Variants in PCDHGB4 observed in about 807,000 individuals in gnomAD.
PCDHGB4 encodes the protein protocadherin gamma-B4.
Under a neutral mutation model 60.5 loss-of-function variants are expected in PCDHGB4, and 38 were observed. That is an observed-to-expected ratio of 0.63 (90% CI 0.48 to 0.82). The LOEUF (loss-of-function observed/expected upper bound fraction) is 0.82, where lower values mean the gene tolerates loss of function less well. Ranked by LOEUF, PCDHGB4 falls within the 40% of genes least tolerant of loss-of-function variation. The probability of loss-of-function intolerance (pLI) is 0.00; values close to 1 mark genes in which losing one functional copy is unlikely to be tolerated. For missense variants in PCDHGB4, 1,109 were observed against 1,209.6 expected, an observed-to-expected ratio of 0.92 and a Z score of 1.23; for synonymous variants, 456 against 509.7, an observed-to-expected ratio of 0.89 and a Z score of 1.42.
In PCDHGB4 at chr5:141,418,400, G is replaced by C; in HGVS notation, c.2397+28119G>C. ...AAGTCCTAACGAGTATTTCTCATTGGTGGAGAAAGACAATCCTGATGGTGG... is the reference window on the plus strand; with the variant it reads ...AAGTCCTAACGAGTATTTCTCATTGCTGGAGAAAGACAATCCTGATGGTGG... On this transcript the variant is annotated intron_variant, in intron 1 of 3. Coordinates refer to ENST00000519479, the MANE Select transcript of PCDHGB4 (RefSeq NM_003736.4). The C allele has an allele frequency of 6.2e-7, 1 of 1,613,900 alleles. No homozygotes were observed. The highest frequency in any genetic ancestry group is 8.5e-7 in the Non-Finnish European group (1 of 1,179,794).
At chr5:141,413,355 C>G in intron 1 of PCDHGB4, 1 of 1,613,952 alleles carries the variant, frequency 6.2e-7, no homozygotes, top group Non-Finnish European at 8.5e-7. Context: ...GTCTGGCGCC[C>G]CGGGAGCTGG....
chr5:141,397,909 T>G lies in PCDHGB4; in HGVS notation c.2397+7628T>G, dbSNP rs1004406261. On this transcript the variant is annotated intron_variant, in intron 1 of 3. Coordinates refer to ENST00000519479, the MANE Select transcript of PCDHGB4 (RefSeq NM_003736.4). Reference sequence around the variant, plus strand: ...TTGGCCAAAGTGCAGAGCTTGGCGCTCCAGATCTCCTCGCGCAGCCGCAGC... The same window carrying G: ...TTGGCCAAAGTGCAGAGCTTGGCGCGCCAGATCTCCTCGCGCAGCCGCAGC... 114 of 677,396 alleles carry G rather than the reference T, an allele frequency of 1.7e-4. No individual in the cohort carries two copies. In the East Asian group the frequency reaches 2.8e-3, roughly 17 times the overall value. The allele number at this position is 677,396 out of a possible 1,614,324, so 42.0% of individuals were successfully genotyped here. A position where few individuals can be genotyped will look rare whatever the true frequency, so the allele number is the denominator to read the frequency against.
At chr5:141,420,770 T>G (rs1485978181) in intron 1 of PCDHGB4, among the ~76,000 whole-genome samples, 1 of 152,202 alleles carries the variant, frequency 6.6e-6, no homozygotes, top group Non-Finnish European at 1.5e-5. Flanking sequence ...AGTTTTCAGC[T>G]CCAGTAATAT....
rs547284271 is a variant in PCDHGB4 at position 141,489,064 on chromosome 5, C to G, written c.2398-5743C>G. On this transcript the variant is annotated intron_variant, in intron 1 of 3. Coordinates refer to ENST00000519479, the MANE Select transcript of PCDHGB4 (RefSeq NM_003736.4). This position sits in a 1 kb window ranked among gnomAD's most constrained non-coding sequence, Gnocchi z 4.5. ...TCCACTCAAATTCAGCTCCCCTCCC[C>G]CCTGCCCACCCCCGCCACTCGGTGA... 1.9e-4 allele frequency: 74 copies of G among 387,742 alleles called. No homozygotes were observed. The highest frequency in any genetic ancestry group is 1.5e-3 in the African/African-American group (70 of 47,296). The allele number at this position is 387,742 out of a possible 1,614,324, so 24.0% of individuals were successfully genotyped here. A position where few individuals can be genotyped will look rare whatever the true frequency, so the allele number is the denominator to read the frequency against.
chr5:141,408,670 T>G, intron 1 of PCDHGB4: 1 of 1,614,008 alleles, frequency 6.2e-7, no homozygotes, highest in Non-Finnish European at 8.5e-7. Context: ...CGCTTGACCC[T>G]GCCACGGATC....
In PCDHGB4 at chr5:141,489,835, C is replaced by G; in HGVS notation, c.2398-4972C>G. On this transcript the variant is annotated intron_variant, in intron 1 of 3. Transcript: ENST00000519479. This position sits in a 1 kb window ranked among gnomAD's most constrained non-coding sequence, Gnocchi z 4.5. Reference sequence around the variant, plus strand: ...ATTCCCAGAGCTGGTGCTAGAGCAGCAGCTGGATCGTGAAGCCCAGGCAAG... The same window carrying G: ...ATTCCCAGAGCTGGTGCTAGAGCAGGAGCTGGATCGTGAAGCCCAGGCAAG... The G allele has an allele frequency of 6.2e-7, 1 of 1,614,164 alleles. No homozygotes were observed. Among genetic ancestry groups the G allele is most frequent in the Non-Finnish European group, 8.5e-7 (1 of 1,179,972 alleles).
chr5:141,431,748 G>A lies in PCDHGB4; in HGVS notation c.2397+41467G>A, dbSNP rs759671844. On this transcript the variant is annotated intron_variant, in intron 1 of 3. Coordinates refer to ENST00000519479, the MANE Select transcript of PCDHGB4 (RefSeq NM_003736.4). This position sits in a 1 kb window ranked among gnomAD's most constrained non-coding sequence, Gnocchi z 4.8. ...ATGGATAATGCAGGATATTCTGCGC[G>A]AGCCAAAGTCCTGATCACTGTTCTG... 4 of 1,614,078 alleles carry A rather than the reference G, an allele frequency of 2.5e-6. No individual in the cohort carries two copies. Among genetic ancestry groups the A allele is most frequent in the African/African-American group, 1.3e-5 (1 of 74,934 alleles).
intron 1 of PCDHGB4, chr5:141,484,949 A>G: frequency 1.8e-6 from 1 of 557,402 alleles, no homozygotes; most frequent in East Asian, 3.1e-5. Flanking sequence ...TGCTCAGCCT[A>G]TTGGCTGAGC....
chr5:141,490,229 T>C lies in PCDHGB4; in HGVS notation c.2398-4578T>C. The C allele has an allele frequency of 6.2e-7, 1 of 1,614,198 alleles. No individual in the cohort carries two copies. Among genetic ancestry groups the C allele is most frequent in the Non-Finnish European group, 8.5e-7 (1 of 1,180,034 alleles). On this transcript the variant is annotated intron_variant, in intron 1 of 3. Coordinates refer to ENST00000519479, the MANE Select transcript of PCDHGB4 (RefSeq NM_003736.4). The surrounding 1 kb of genome is among the most constrained non-coding windows in gnomAD (Gnocchi z 5.4). ...GCCCGTGACCAGGGACAGCCTGCCA[T>C]GGAGGGCCACTGTGTGATTCAAGTG... is the stretch of plus-strand genomic sequence containing the variant.
At position 141,487,194 on chromosome 5, in the gene PCDHGB4, C is replaced by T. The variant is rs148502966; in HGVS notation, c.2398-7613C>T. 2 of 1,613,868 alleles carry T rather than the reference C, an allele frequency of 1.2e-6. No homozygotes were observed. The highest frequency in any genetic ancestry group is 1.3e-5 in the African/African-American group (1 of 75,030). On this transcript the variant is annotated intron_variant, in intron 1 of 3. Coordinates refer to ENST00000519479, the MANE Select transcript of PCDHGB4 (RefSeq NM_003736.4). The surrounding 1 kb of genome is among the most constrained non-coding windows in gnomAD (Gnocchi z 5.0). ...GAGGAAGACACTCATCCAGTTGTCC[C>T]AGATCTTCGAGAATCTTCAGCTCCA... is the stretch of plus-strand genomic sequence containing the variant.
At chr5:141,405,118 G>C (rs368800698) in intron 1 of PCDHGB4, 2 of 1,613,946 alleles carry the variant, frequency 1.2e-6, no homozygotes, top group Non-Finnish European at 8.5e-7. Flanking sequence ...GGCACTCCTC[G>C]CATCTGCTGC....
At chr5:141,392,873 G>C (rs1280602911) in intron 1 of PCDHGB4, 1 of 1,613,382 alleles carries the variant, frequency 6.2e-7, no homozygotes, top group Admixed American at 1.7e-5. Flanking sequence ...GCGCGCTGCT[G>C]GGAACGCTGT....
chr5:141,507,495 G>A (rs375483743), intron 3 of PCDHGB4, among the ~76,000 whole-genome samples: 5 of 152,352 alleles, frequency 3.3e-5, no homozygotes, highest in East Asian at 3.9e-4. Flanking sequence ...AGGCAGAGCT[G>A]TCCCAGGTCT....
Position 141,477,827 on chromosome 5 carries a change from C to T in PCDHGB4, c.2398-16980C>T, listed in dbSNP as rs2099419143. On this transcript the variant is annotated intron_variant, in intron 1 of 3. Coordinates refer to ENST00000519479, the MANE Select transcript of PCDHGB4 (RefSeq NM_003736.4). The surrounding 1 kb of genome is among the most constrained non-coding windows in gnomAD (Gnocchi z 4.9). ...CAATGCCCCCCAGGTCCTATATCCT[C>T]GGCCAGGTGGGAGCTCGGTGGAGAT... The T allele has an allele frequency of 1.2e-6, 2 of 1,614,038 alleles. No individual in the cohort carries two copies. Among genetic ancestry groups the T allele is most frequent in the African/African-American group, 1.3e-5 (1 of 74,928 alleles).
rs1309165721 is a variant in PCDHGB4 at position 141,430,655 on chromosome 5, G to A, written c.2397+40374G>A. On this transcript the variant is annotated intron_variant, in intron 1 of 3. Coordinates refer to ENST00000519479, the MANE Select transcript of PCDHGB4 (RefSeq NM_003736.4). Reference sequence around the variant, plus strand: ...ATCCCTGGGAGTATGTGGAAACAACGGAGGAGCTCTGACTTCCCAACTGTC... The same window carrying A: ...ATCCCTGGGAGTATGTGGAAACAACAGAGGAGCTCTGACTTCCCAACTGTC... 4.6e-6 allele frequency: 5 copies of A among 1,084,938 alleles called. No individual in the cohort carries two copies. In the East Asian group the frequency reaches 7.8e-5, roughly 17 times the overall value. 67.2% of individuals were successfully genotyped at this position (1,084,938 alleles called of 1,614,324 possible).
At chr5:141,409,745 T>G (rs968473065) in intron 1 of PCDHGB4, 9 of 1,613,074 alleles carry the variant, frequency 5.6e-6, no homozygotes, top group Non-Finnish European at 7.6e-6. Flanking sequence ...CGGGGTGGTG[T>G]TCGCGCAGCG....
At chr5:141,467,185 TG>T (rs1295935271) in intron 1 of PCDHGB4, among the ~76,000 whole-genome samples, 1 of 152,004 alleles carries the variant, frequency 6.6e-6, no homozygotes, top group African/African-American at 2.4e-5. Context: ...CCCAAGTAGC[TG>T]GGATTACAGG....
chr5:141,495,034 A>C (rs986393420), intron 2 of PCDHGB4, 169 bp downstream of exon 2: 1 of 962,702 alleles, frequency 1.0e-6, no homozygotes, highest in Non-Finnish European at 1.2e-6. Context: ...CCCCGGAAGG[A>C]AGAGGCGACT....
At chr5:141,398,362 G>T (rs1422597239) in intron 1 of PCDHGB4, 5 of 1,413,346 alleles carry the variant, frequency 3.5e-6, no homozygotes, top group Admixed American at 1.9e-5. Context: ...CACCGTGAGC[G>T]CAGAGAGCGG....
Sources: gnomAD v4.1 joint callset for allele counts (sites outside exome capture counted in the v4.1 genomes callset) on GRCh38, gnomAD v4.1.1 for gene constraint, Gnocchi (gnomAD v3.1) non-coding constraint, MANE v1.5 for transcripts, NCBI Gene and HGNC (gene_info 2026-07-23, HGNC 2026-07-21) for gene names.